Variants in TUSC3 observed in about 807,000 individuals in gnomAD.
The protein encoded by TUSC3 is dolichyl-diphosphooligosaccharide--protein glycosyltransferase subunit TUSC3.
TUSC3 carries 45 observed loss-of-function variants against 44.8 expected under a neutral mutation model. That is an observed-to-expected ratio of 1.00 (90% CI 0.79 to 1.29). The LOEUF is 1.29. Among genes scored for constraint, TUSC3 ranks in the 50% most tolerant of loss-of-function variants. The probability of loss-of-function intolerance (pLI) is 0.00; values close to 1 mark genes in which losing one functional copy is unlikely to be tolerated. For missense variants in TUSC3, 519 were observed against 437.9 expected, an observed-to-expected ratio of 1.19 and a Z score of -1.65; for synonymous variants, 212 against 152.9, an observed-to-expected ratio of 1.39 and a Z score of -2.85.
chr8:15,553,930 A>G lies in TUSC3; in HGVS notation c.138+13362A>G, dbSNP rs1389433383. Among the ~76,000 whole-genome samples the G allele has an allele frequency of 1.3e-5, 2 of 151,728 alleles. 1 individual carries two copies. The highest frequency in any genetic ancestry group is 1.3e-4 in the Admixed American group (2 of 15,174). Reference sequence around the variant, plus strand: ...AGATACTTTGTTTTCCCCCATGCATATGGTAGTGTCAGGCTGTTCAGACTG... The same window carrying G: ...AGATACTTTGTTTTCCCCCATGCATGTGGTAGTGTCAGGCTGTTCAGACTG... On this transcript the variant is annotated intron_variant, in intron 1 of 10. Transcript: ENST00000503731.
chr8:15,836,804 T>G, the TUSC3 span, among the ~76,000 whole-genome samples: 1 of 152,218 alleles, frequency 6.6e-6, no homozygotes, highest in Non-Finnish European at 1.5e-5. Flanking sequence ...ATGCTTTTAA[T>G]TTTAGCTGTT....
chr8:15,833,221 A>G, the TUSC3 span, among the ~76,000 whole-genome samples: 1 of 152,140 alleles, frequency 6.6e-6, no homozygotes, highest in Non-Finnish European at 1.5e-5. Flanking sequence ...AGGTGCTGGC[A>G]AGGTTGCGGA....
intron 3 of TUSC3, among the ~76,000 whole-genome samples, chr8:15,654,577 G>A (rs1807071727): frequency 6.6e-6 from 1 of 152,014 alleles, no homozygotes; most frequent in Admixed American, 6.6e-5. Context: ...ATTAAAAAAG[G>A]TTTATGAAAA....
chr8:15,631,547 C>T (rs1563143646), intron 2 of TUSC3, among the ~76,000 whole-genome samples: 1 of 152,102 alleles, frequency 6.6e-6, no homozygotes, highest in Admixed American at 6.6e-5. Flanking sequence ...GCATTTTGCT[C>T]TCTTTTAAGT....
At chr8:15,747,185 A>C (rs1227521103) in intron 8 of TUSC3, among the ~76,000 whole-genome samples, 1 of 152,084 alleles carries the variant, frequency 6.6e-6, no homozygotes, top group Non-Finnish European at 1.5e-5. Context: ...AATTGCAGTT[A>C]AACTTGGTTT....
chr8:15,575,560 A>C (rs1191866853), intron 1 of TUSC3, among the ~76,000 whole-genome samples: 1 of 152,100 alleles, frequency 6.6e-6, no homozygotes, highest in Non-Finnish European at 1.5e-5. Flanking sequence ...TGAGGTCAGG[A>C]GTTTGAGATC....
chr8:15,461,376 A>G (rs1323283320), intron 1 of TUSC3, among the ~76,000 whole-genome samples: 4 of 152,026 alleles, frequency 2.6e-5, no homozygotes, highest in Non-Finnish European at 5.9e-5. Context: ...ATTTGTGTAC[A>G]TTAATTTTGT....
chr8:15,819,370 A>G, the TUSC3 span, among the ~76,000 whole-genome samples: 5 of 120,818 alleles, frequency 4.1e-5, no homozygotes, highest in Admixed American at 3.6e-4. Context: ...TACTCTTCCA[A>G]TCATCTTGGT....
At chr8:15,712,383 T>G (rs1221443710) in intron 6 of TUSC3, among the ~76,000 whole-genome samples, 1 of 152,110 alleles carries the variant, frequency 6.6e-6, no homozygotes, top group Non-Finnish European at 1.5e-5. Context: ...TCAGAACTAT[T>G]TGAAACCTCA....
the TUSC3 span, among the ~76,000 whole-genome samples, chr8:15,798,265 G>A: frequency 7.2e-5 from 11 of 152,288 alleles, no homozygotes; most frequent in African/African-American, 2.6e-4. Flanking sequence ...TTCGCACAGT[G>A]AACACTTCCC....
At chr8:15,742,616 A>G (rs1348767679) in intron 7 of TUSC3, among the ~76,000 whole-genome samples, 2 of 152,172 alleles carry the variant, frequency 1.3e-5, no homozygotes, top group African/African-American at 4.8e-5. Context: ...TGCACAGGAG[A>G]TTCATTGATG....
At chr8:15,809,429 T>G in the TUSC3 span, among the ~76,000 whole-genome samples, 1 of 152,154 alleles carries the variant, frequency 6.6e-6, no homozygotes, top group Admixed American at 6.5e-5. Context: ...AAAATGAAGT[T>G]AGTTATGTTA....
At chr8:15,448,356 C>T (rs1332621783) in intron 1 of TUSC3, among the ~76,000 whole-genome samples, 2 of 151,812 alleles carry the variant, frequency 1.3e-5, no homozygotes, top group East Asian at 1.9e-4. Flanking sequence ...CAGCCTCAGG[C>T]AATCCACCCG....
At chr8:15,457,462 T>G (rs1163452461) in intron 1 of TUSC3, among the ~76,000 whole-genome samples, 3 of 151,728 alleles carry the variant, frequency 2.0e-5, no homozygotes, top group African/African-American at 7.2e-5. Flanking sequence ...ACTTTCATAG[T>G]GAAAAGTTAA....
At chr8:15,546,875 G>T (rs538030483) in intron 1 of TUSC3, among the ~76,000 whole-genome samples, 1 of 151,494 alleles carries the variant, frequency 6.6e-6, no homozygotes, top group Admixed American at 6.6e-5. Flanking sequence ...GTATCTGTTT[G>T]CCTGCCTGCC....
chr8:15,556,166 C>G (rs1002611579), intron 1 of TUSC3, among the ~76,000 whole-genome samples: 37 of 117,268 alleles, frequency 3.2e-4, no homozygotes, highest in African/African-American at 1.1e-3. Flanking sequence ...CTCCCCCCAC[C>G]CCACAACAGT....
At chr8:15,720,233 C>CACAG (rs1554481302) in intron 6 of TUSC3, among the ~76,000 whole-genome samples, 69 of 147,318 alleles carry the variant, frequency 4.7e-4, no homozygotes, top group East Asian at 1.8e-3. Flanking sequence ...CACACACACA[C>CACAG]AGAGAGAACA....
chr8:15,740,106 G>C (rs1029186368), intron 7 of TUSC3, among the ~76,000 whole-genome samples: 2 of 152,096 alleles, frequency 1.3e-5, no homozygotes, highest in Non-Finnish European at 2.9e-5. Context: ...AAAAAAATCA[G>C]AGTAAAGGTG....
At chr8:15,529,788 GTT>G (rs35344827) in intron 2 of TUSC3, among the ~76,000 whole-genome samples, 2 of 106,976 alleles carry the variant, frequency 1.9e-5, no homozygotes, top group Non-Finnish European at 3.6e-5. Context: ...CTGTGAAAAA[GTT>G]TTTTTTTTTT....
Sources: gnomAD v4.1 joint callset for allele counts (sites outside exome capture counted in the v4.1 genomes callset) on GRCh38, gnomAD v4.1.1 for gene constraint, MANE v1.5 for transcripts, NCBI Gene and HGNC (gene_info 2026-07-23, HGNC 2026-07-21) for gene names.